The following BMPR2 variants were observed in gnomAD, a reference collection of about 807,000 sequenced individuals.
BMPR2 encodes bone morphogenetic protein receptor type-2.
Under a neutral mutation model 100.8 loss-of-function variants are expected in BMPR2, and 29 were observed. That is an observed-to-expected ratio of 0.29 (90% CI 0.21 to 0.39). The LOEUF is 0.39. Among genes scored for constraint, BMPR2 ranks in the 10% least tolerant of loss-of-function variants. BMPR2 has a pLI of 1.00. For synonymous variants in BMPR2, 382 were observed against 442.3 expected (o/e 0.86, Z 1.71); for missense variants, 1,011 against 1,274.5 (o/e 0.79, Z 3.15).
At chr2:202,521,275 T>C (rs1687814210) in intron 7 of BMPR2, among the ~76,000 whole-genome samples, 1 of 152,192 alleles carries the variant, frequency 6.6e-6, no homozygotes, top group Non-Finnish European at 1.5e-5. Context: ...AGTTGGAATA[T>C]TGGCAGCCCG....
chr2:202,494,940 A>G (rs1692990858), intron 3 of BMPR2, among the ~76,000 whole-genome samples: 1 of 152,180 alleles, frequency 6.6e-6, no homozygotes, highest in South Asian at 2.1e-4. Context: ...TTGTCCTGAC[A>G]GGGTGCGTGA....
intron 3 of BMPR2, among the ~76,000 whole-genome samples, chr2:202,481,362 A>G (rs1320190982): frequency 6.6e-6 from 1 of 152,028 alleles, no homozygotes; most frequent in Non-Finnish European, 1.5e-5. Context: ...TATTTTTAGT[A>G]GAGACAGGGT....
chr2:202,555,334 C>A lies in BMPR2; in HGVS notation c.1669C>A (p.His557Asn), dbSNP rs1688546167. 6.2e-7 allele frequency: 1 copy of A among 1,613,906 alleles called. No individual in the cohort carries two copies. Among genetic ancestry groups the A allele is most frequent in the Non-Finnish European group, 8.5e-7 (1 of 1,179,946 alleles). ...SSSSYIEDSI[H>N]HTDSIVKNIS... Reference sequence around the variant, plus strand: ...CTCCTCATACATTGAAGACTCTATCCATCATACTGACAGCATCGTGAAGAA... The same window carrying A: ...CTCCTCATACATTGAAGACTCTATCAATCATACTGACAGCATCGTGAAGAA... Residue 557 changes from histidine to asparagine, a missense_variant, in exon 12 of 13, where the codon CAT (histidine) becomes AAT (asparagine). Physicochemically the swap from His to Asn is moderately conservative, Grantham distance 68 (BLOSUM62 1). This residue lies in a region of BMPR2 where 508 missense variants were observed against 552.0 expected (regional missense o/e 0.92). Transcript: ENST00000374580.
intron 9 of BMPR2, among the ~76,000 whole-genome samples, chr2:202,533,564 C>T (rs1688067735): frequency 6.6e-6 from 1 of 151,866 alleles, no homozygotes; most frequent in African/African-American, 2.4e-5. Context: ...GTGGCTTACA[C>T]CTGTAATCCC....
chr2:202,463,272 T>C (rs751461443), intron 1 of BMPR2, among the ~76,000 whole-genome samples: 2 of 152,176 alleles, frequency 1.3e-5, no homozygotes, highest in Non-Finnish European at 2.9e-5. Flanking sequence ...CACTATATAA[T>C]CATTTATAAA....
chr2:202,446,447 T>A (rs1691850624), intron 1 of BMPR2, among the ~76,000 whole-genome samples: 1 of 150,526 alleles, frequency 6.6e-6, no homozygotes, highest in Non-Finnish European at 1.5e-5. Flanking sequence ...TTTTATTTCA[T>A]TAGATATGCA....
intron 1 of BMPR2, among the ~76,000 whole-genome samples, chr2:202,395,855 T>G (rs1296440528): frequency 6.6e-6 from 1 of 152,108 alleles, no homozygotes; most frequent in East Asian, 1.9e-4. Context: ...AGGATCGACT[T>G]GAACCTGGGA....
At chr2:202,497,780 TG>T (rs1381997644) in intron 3 of BMPR2, among the ~76,000 whole-genome samples, 1 of 152,204 alleles carries the variant, frequency 6.6e-6, no homozygotes, top group African/African-American at 2.4e-5. Flanking sequence ...TTCTAAAAAT[TG>T]CTACCTGTCT....
chr2:202,495,045 T>G lies in BMPR2; in HGVS notation c.419-18674T>G, dbSNP rs1313307508. Among the ~76,000 whole-genome samples, 1 of 152,134 alleles carries G rather than the reference T, an allele frequency of 6.6e-6. No individual in the cohort carries two copies. Among genetic ancestry groups the G allele is most frequent in the Non-Finnish European group, 1.5e-5 (1 of 68,020 alleles). ...CTGTGGGGCTCCGACCTCACAACAG[T>G]GTCTAGGAGTGAATGTTTACAGCTC... is the stretch of plus-strand genomic sequence containing the variant. On this transcript the variant is annotated intron_variant, in intron 3 of 12. Transcript: ENST00000374580. The surrounding 1 kb of genome is among the most constrained non-coding windows in gnomAD (Gnocchi z 4.5).
chr2:202,511,624 C>T lies in BMPR2; in HGVS notation c.419-2095C>T, dbSNP rs182302780. Among the ~76,000 whole-genome samples, 66 of 152,038 alleles carry T rather than the reference C, an allele frequency of 4.3e-4. No individual in the cohort carries two copies. The East Asian group carries it at 0.011, about 26-fold the overall frequency. On this transcript the variant is annotated intron_variant, in intron 3 of 12. Transcript: ENST00000374580. Reference sequence around the variant, plus strand: ...CATGCCAATGTATGTGAAATAATATCTCACTGTGGTAAAATGAGTTTTATA... The same window carrying T: ...CATGCCAATGTATGTGAAATAATATTTCACTGTGGTAAAATGAGTTTTATA...
At chr2:202,485,539 C>CTTTTTT (rs1356936925) in intron 3 of BMPR2, among the ~76,000 whole-genome samples, 1 of 34,784 alleles carries the variant, frequency 2.9e-5, no homozygotes, top group Non-Finnish European at 6.2e-5. Context: ...CTCCCTTTGC[C>CTTTTTT]TTTATCTTTT....
intron 1 of BMPR2, among the ~76,000 whole-genome samples, chr2:202,393,896 A>AGAGC (rs1690605767): frequency 9.7e-6 from 1 of 102,880 alleles, no homozygotes; most frequent in African/African-American, 4.4e-5. Flanking sequence ...AGAGAGAGAG[A>AGAGC]GAGAGAGAGA....
At position 202,430,625 on chromosome 2, in the gene BMPR2, G is replaced by A. The variant is rs193041232; in HGVS notation, c.77-34184G>A. On this transcript the variant is annotated intron_variant, in intron 1 of 12. Transcript: ENST00000374580. ...TTTGCCTAGCTTGCCAACTGGATGG[G>A]TCCTTTGGTTATATATACTTTCATT... Among the ~76,000 whole-genome samples, 434 of 152,194 alleles carry A rather than the reference G, an allele frequency of 2.9e-3. 1 individual carries two copies. Among genetic ancestry groups the A allele is most frequent in the Non-Finnish European group, 4.3e-3 (290 of 68,016 alleles).
chr2:202,535,576 G>C (rs1489160978), intron 9 of BMPR2, among the ~76,000 whole-genome samples: 2 of 151,754 alleles, frequency 1.3e-5, no homozygotes, highest in African/African-American at 2.4e-5. Flanking sequence ...TGGCGGCCGG[G>C]CGGAGACGCT....
intron 1 of BMPR2, among the ~76,000 whole-genome samples, chr2:202,446,702 A>T (rs1372888493): frequency 1.4e-5 from 2 of 148,018 alleles, no homozygotes; most frequent in Non-Finnish European, 2.9e-5. Context: ...CTCAGGCTGG[A>T]GTGCAGTGGT....
chr2:202,465,495 G>T (rs1320196244), intron 2 of BMPR2, among the ~76,000 whole-genome samples: 3 of 152,044 alleles, frequency 2.0e-5, no homozygotes, highest in African/African-American at 4.8e-5. Flanking sequence ...ATACATGCCC[G>T]TTCTATGAAT....
At chr2:202,385,751 T>C (rs1355943638) in intron 1 of BMPR2, among the ~76,000 whole-genome samples, 1 of 151,680 alleles carries the variant, frequency 6.6e-6, no homozygotes, top group African/African-American at 2.4e-5. Context: ...TAGAATAATA[T>C]AGTCATGTAT....
chr2:202,518,176 C>T (rs1351993926), intron 5 of BMPR2, among the ~76,000 whole-genome samples: 2 of 129,738 alleles, frequency 1.5e-5, no homozygotes, highest in African/African-American at 6.0e-5. Flanking sequence ...CTTGCTCTTT[C>T]GCCCAGGCTG....
intron 10 of BMPR2, among the ~76,000 whole-genome samples, chr2:202,551,078 T>C (rs551973766): frequency 6.7e-6 from 1 of 148,592 alleles, no homozygotes; most frequent in Admixed American, 6.8e-5. Flanking sequence ...TGCCTCAGCA[T>C]CCCAAATAGC....
Sources: gnomAD v4.1 joint callset for allele counts (sites outside exome capture counted in the v4.1 genomes callset) on GRCh38, gnomAD v4.1.1 for gene constraint, gnomAD v4.1.1 regional missense constraint, Gnocchi (gnomAD v3.1) non-coding constraint, MANE v1.5 for transcripts, NCBI Gene and HGNC (gene_info 2026-07-23, HGNC 2026-07-21) for gene names.